SDK1: variants seen among roughly 807,000 people sequenced by gnomAD.
The protein encoded by SDK1 is sidekick cell adhesion molecule 1, also known as protein sidekick-1.
SDK1 carries 157 observed loss-of-function variants against 245.5 expected under a neutral mutation model. The observed-to-expected ratio is 0.64, with a 90% CI of 0.56 to 0.73. SDK1 has a LOEUF of 0.73. Ranked by LOEUF, SDK1 falls within the 30% of genes least tolerant of loss-of-function variation. The probability of loss-of-function intolerance (pLI) is 0.00; values close to 1 mark genes in which losing one functional copy is unlikely to be tolerated. For missense variants in SDK1, 3,583 were observed against 3,002.3 expected (o/e 1.19, Z -4.52); for synonymous variants, 1,647 against 1,278.5 (o/e 1.29, Z -6.15).
chr7:4,063,155 G>A (rs1453905399), intron 19 of SDK1, among the ~76,000 whole-genome samples: 1 of 152,166 alleles, frequency 6.6e-6, no homozygotes, highest in African/African-American at 2.4e-5. Flanking sequence ...AAAAGAGGAA[G>A]TCAGATTGTT....
At chr7:4,111,208 A>G (rs1783318287) in intron 23 of SDK1, among the ~76,000 whole-genome samples, 1 of 152,210 alleles carries the variant, frequency 6.6e-6, no homozygotes, top group African/African-American at 2.4e-5. Flanking sequence ...AGTCTCACTT[A>G]TCAAGCAATT....
intron 4 of SDK1, among the ~76,000 whole-genome samples, chr7:3,743,418 A>T (rs1380672032): frequency 6.6e-6 from 1 of 152,144 alleles, no homozygotes; most frequent in Non-Finnish European, 1.5e-5. Context: ...TTTCTCATGT[A>T]GGCTTCTGTA....
chr7:3,427,410 T>G lies in SDK1; in HGVS notation c.298+125526T>G, dbSNP rs181227806. Among the ~76,000 whole-genome samples the G allele has an allele frequency of 2.2e-4, 33 of 151,904 alleles. No homozygotes were observed. In the East Asian group the frequency reaches 5.4e-3, roughly 25 times the overall value. ...GGCGGGCACCTGTAAATCCAGCTAC[T>G]TGGGAGGCTGGAGCAGGAGAATCAC... is the stretch of plus-strand genomic sequence containing the variant. On this transcript the variant is annotated intron_variant, in intron 1 of 44. Transcript: ENST00000404826.
At chr7:4,213,426 A>G (rs947281283) in intron 38 of SDK1, among the ~76,000 whole-genome samples, 24 of 148,896 alleles carry the variant, frequency 1.6e-4, no homozygotes, top group Non-Finnish European at 3.0e-4. Flanking sequence ...AAAAAAAAAG[A>G]AAACAAAAAT....
chr7:3,473,582 C>T (rs980074324), intron 1 of SDK1, among the ~76,000 whole-genome samples: 4 of 152,138 alleles, frequency 2.6e-5, no homozygotes, highest in Non-Finnish European at 4.4e-5. Flanking sequence ...TAAATGACCT[C>T]CAAAAAGGCC....
chr7:3,681,901 A>C (rs1219468069), intron 4 of SDK1, among the ~76,000 whole-genome samples: 1 of 152,120 alleles, frequency 6.6e-6, no homozygotes, highest in Non-Finnish European at 1.5e-5. Flanking sequence ...TTTATTTTTC[A>C]TATTTTGGAA....
chr7:3,733,513 A>T (rs1383949092), intron 4 of SDK1, among the ~76,000 whole-genome samples: 1 of 152,164 alleles, frequency 6.6e-6, no homozygotes, highest in East Asian at 1.9e-4. Flanking sequence ...TGGAGGTCCG[A>T]GTGCTGAGCA....
intron 1 of SDK1, among the ~76,000 whole-genome samples, chr7:3,602,197 A>G (rs1465685396): frequency 4.6e-5 from 7 of 151,962 alleles, no homozygotes; most frequent in Admixed American, 2.6e-4. Context: ...ATACCCAGTA[A>G]TGGGATGGCT....
chr7:3,585,719 G>A (rs1780664986), intron 1 of SDK1, among the ~76,000 whole-genome samples: 2 of 152,270 alleles, frequency 1.3e-5, no homozygotes, highest in South Asian at 4.1e-4. Context: ...AAGAAGGGTG[G>A]TTGCTAGACA....
chr7:3,375,451 C>T lies in SDK1; in HGVS notation c.298+73567C>T, dbSNP rs140713371. Among the ~76,000 whole-genome samples, 522 of 152,270 alleles carry T rather than the reference C, an allele frequency of 3.4e-3. 5 individuals carry two copies. Among genetic ancestry groups the T allele is most frequent in the African/African-American group, 0.011 (474 of 41,550 alleles). ...CAAGTTGGCTCCCAGTGATCATTGC[C>T]TTGTAGTATTCTTATCCGTGTATAG... On this transcript the variant is annotated intron_variant, in intron 1 of 44. Transcript: ENST00000404826.
intron 22 of SDK1, among the ~76,000 whole-genome samples, chr7:4,104,467 A>G (rs1782775949): frequency 6.6e-6 from 1 of 152,208 alleles, no homozygotes; most frequent in South Asian, 2.1e-4. Context: ...GTTGGATGCT[A>G]CCTCATAGAA....
chr7:3,944,936 G>A (rs375586609), intron 5 of SDK1, among the ~76,000 whole-genome samples: 1 of 152,188 alleles, frequency 6.6e-6, no homozygotes, highest in African/African-American at 2.4e-5. Context: ...AGAGCTATTA[G>A]CTACTAGCAT....
chr7:4,180,620 G>T (rs618754), intron 35 of SDK1, among the ~76,000 whole-genome samples: 17,911 of 152,300 alleles, frequency 0.12, 1,376 homozygotes, highest in African/African-American at 0.22. Context: ...AAAGGGACGG[G>T]GTAATTTATA....
chr7:3,625,428 C>G lies in SDK1; in HGVS notation c.458+6189C>G, dbSNP rs148262387. Among the ~76,000 whole-genome samples, 58 of 152,308 alleles carry G rather than the reference C, an allele frequency of 3.8e-4. No homozygotes were observed. The East Asian group carries it at 0.011, about 29-fold the overall frequency. On this transcript the variant is annotated intron_variant, in intron 2 of 44. Transcript: ENST00000404826. ...TCTGTCTCTAATAACTTGGGATCTC[C>G]TGATGACAGTGGTGGAGACAAAGCT...
chr7:4,120,862 C>G (rs1289344418), intron 25 of SDK1, among the ~76,000 whole-genome samples: 2 of 151,318 alleles, frequency 1.3e-5, no homozygotes, highest in Non-Finnish European at 2.9e-5. Context: ...GTTATCTGCC[C>G]AACTTGGTTT....
chr7:3,541,353 A>G (rs994753807), intron 1 of SDK1, among the ~76,000 whole-genome samples: 2 of 152,180 alleles, frequency 1.3e-5, no homozygotes, highest in African/African-American at 4.8e-5. Flanking sequence ...GCAACTTCTT[A>G]CATGCAGAGG....
intron 4 of SDK1, chr7:3,643,333 T>G (rs1782712810): frequency 6.6e-6 from 1 of 151,552 alleles, no homozygotes; most frequent in Non-Finnish European, 1.5e-5. Flanking sequence ...TGAGCATCTG[T>G]GGAATCCTTT....
In SDK1 at chr7:3,926,133, A is replaced by C. The variant is rs569896393; in HGVS notation, c.848-24790A>C. The stretch of plus-strand genomic sequence containing the variant: ...ACCTGGATAAATCCCTTTTTGTGCA[A>C]CAAGCACTGATGGAGTCTACAGAAG... On this transcript the variant is annotated intron_variant, in intron 5 of 44. Transcript: ENST00000404826. 7.9e-5 allele frequency among the ~76,000 whole-genome samples: 12 copies of C among 152,228 alleles called. No individual in the cohort carries two copies. The South Asian group carries it at 2.5e-3, about 32-fold the overall frequency.
At chr7:3,534,411 T>C (rs1325486297) in intron 1 of SDK1, among the ~76,000 whole-genome samples, 3 of 152,168 alleles carry the variant, frequency 2.0e-5, no homozygotes, top group Non-Finnish European at 4.4e-5. Flanking sequence ...GGAAGTGAGA[T>C]TGCTGGATCA....
Sources: allele counts gnomAD v4.1 joint callset (sites outside exome capture counted in the v4.1 genomes callset), GRCh38; gene constraint gnomAD v4.1.1; transcripts MANE v1.5; gene names NCBI Gene and HGNC (gene_info 2026-07-23, HGNC 2026-07-21).